GLIS3: variants seen among roughly 807,000 people sequenced by gnomAD.
The protein encoded by GLIS3 is GLIS family zinc finger 3.
Under a neutral mutation model 78.6 loss-of-function variants are expected in GLIS3, and 53 were observed. The observed-to-expected ratio is 0.67, with a 90% CI of 0.54 to 0.85. The LOEUF is 0.85. GLIS3 is among the 40% of genes least tolerant of loss of function. The probability of loss-of-function intolerance (pLI) is 0.00; values close to 1 mark genes in which losing one functional copy is unlikely to be tolerated. For synonymous variants in GLIS3, 684 were observed against 509.9 expected, an observed-to-expected ratio of 1.34 and a Z score of -4.60; for missense variants, 1,703 against 1,231.1, an observed-to-expected ratio of 1.38 and a Z score of -5.74.
chr9:4,277,152 A>G (rs1261169169), intron 2 of GLIS3, among the ~76,000 whole-genome samples: 1 of 152,156 alleles, frequency 6.6e-6, no homozygotes, highest in Non-Finnish European at 1.5e-5. Context: ...TGCATTCAAC[A>G]CGGTACACAC....
At chr9:4,298,819 G>T (rs908709078) in intron 1 of GLIS3, among the ~76,000 whole-genome samples, 14 of 152,144 alleles carry the variant, frequency 9.2e-5, no homozygotes, top group Non-Finnish European at 2.1e-4. Context: ...AGGAGTGTAG[G>T]TACCCTCAGC....
chr9:3,946,769 G>A (rs1224701924), intron 4 of GLIS3, among the ~76,000 whole-genome samples: 1 of 152,156 alleles, frequency 6.6e-6, no homozygotes, highest in African/African-American at 2.4e-5. Context: ...ATAATTCAAG[G>A]CACATAAATG....
At chr9:3,904,959 C>A (rs1823557843) in intron 6 of GLIS3, among the ~76,000 whole-genome samples, 1 of 151,500 alleles carries the variant, frequency 6.6e-6, no homozygotes. Context: ...AACACAGTTT[C>A]TCTTCCTCTT....
chr9:4,126,430 C>A (rs561725655), intron 2 of GLIS3, among the ~76,000 whole-genome samples: 1 of 152,334 alleles, frequency 6.6e-6, no homozygotes, highest in African/African-American at 2.4e-5. Context: ...TCTCTCTACT[C>A]TTGATTTTTT....
chr9:4,158,412 C>A (rs767578480), intron 2 of GLIS3, among the ~76,000 whole-genome samples: 1 of 152,090 alleles, frequency 6.6e-6, no homozygotes, highest in Non-Finnish European at 1.5e-5. Flanking sequence ...CTGAATACCA[C>A]GATGAAGTGG....
At chr9:4,300,613 A>C (rs1056566626), upstream of GLIS3, among the ~76,000 whole-genome samples, 14 of 152,052 alleles carry the variant, frequency 9.2e-5, no homozygotes, top group Non-Finnish European at 1.6e-4. Context: ...AATTCTGAAC[A>C]CAGGCTGTTA....
intron 2 of GLIS3, among the ~76,000 whole-genome samples, chr9:4,165,336 G>C (rs1835795297): frequency 6.6e-6 from 1 of 152,200 alleles, no homozygotes; most frequent in African/African-American, 2.4e-5. Context: ...AGTTACTCGG[G>C]AGGCTGAGGC....
At chr9:4,341,353 A>T (rs1187464375) in intron 2 of GLIS3, among the ~76,000 whole-genome samples, 1 of 152,234 alleles carries the variant, frequency 6.6e-6, no homozygotes, top group Non-Finnish European at 1.5e-5. Context: ...ATCAGGCAAC[A>T]TCTGACCCTG....
intron 4 of GLIS3, among the ~76,000 whole-genome samples, chr9:4,099,921 T>C (rs908852458): frequency 6.6e-6 from 1 of 152,258 alleles, no homozygotes; most frequent in East Asian, 1.9e-4. Flanking sequence ...CTTCGTCATC[T>C]GTTTAATAAT....
intron 6 of GLIS3, among the ~76,000 whole-genome samples, chr9:3,914,191 G>C (rs1824342820): frequency 6.6e-6 from 1 of 152,056 alleles, no homozygotes. Flanking sequence ...TGTCACCCAG[G>C]CTGGAGTGCA....
At chr9:4,460,720 C>G in the GLIS3 span, among the ~76,000 whole-genome samples, 2 of 152,160 alleles carry the variant, frequency 1.3e-5, no homozygotes, top group African/African-American at 2.4e-5. Flanking sequence ...AGAAAAGAAG[C>G]AAATAAAGGA....
chr9:4,303,597 C>T (rs1044575356), upstream of GLIS3, among the ~76,000 whole-genome samples: 1 of 152,156 alleles, frequency 6.6e-6, no homozygotes, highest in African/African-American at 2.4e-5. Flanking sequence ...AACATCATAC[C>T]TCTTTTCCTT....
At chr9:4,053,655 A>C (rs969557388) in intron 4 of GLIS3, among the ~76,000 whole-genome samples, 3 of 148,542 alleles carry the variant, frequency 2.0e-5, no homozygotes, top group African/African-American at 7.4e-5. Flanking sequence ...AAAAAGAGCT[A>C]CAAGACAGAG....
chr9:4,274,140 T>A (rs1008780510), intron 2 of GLIS3, among the ~76,000 whole-genome samples: 6 of 152,136 alleles, frequency 3.9e-5, no homozygotes, highest in African/African-American at 1.2e-4. Flanking sequence ...AAGGTCACCA[T>A]AGTGGTAAAG....
At chr9:4,038,399 A>G (rs1165547776) in intron 4 of GLIS3, among the ~76,000 whole-genome samples, 1 of 152,194 alleles carries the variant, frequency 6.6e-6, no homozygotes, top group African/African-American at 2.4e-5. Context: ...AATTGGAAAA[A>G]TTGTCATCAA....
rs1414294290 is a variant in GLIS3 at position 4,322,760 on chromosome 9, T to G, written n.265-12232A>C. On this transcript the variant is annotated intron_variant and non_coding_transcript_variant, in intron 2 of 4. Transcript: ENST00000471664. ...TTTGCCCACTTTTTGATGGGGTTGT[T>G]TGATTTTTTCTTGTAAATTTGTTTA... Among the ~76,000 whole-genome samples, 3 of 152,128 alleles carry G rather than the reference T, an allele frequency of 2.0e-5. No homozygotes were observed. The East Asian group carries it at 5.8e-4, about 29-fold the overall frequency.
At chr9:3,964,352 G>A (rs760612376) in intron 4 of GLIS3, among the ~76,000 whole-genome samples, 11 of 152,204 alleles carry the variant, frequency 7.2e-5, no homozygotes, top group Middle Eastern at 6.8e-3. Context: ...ATTACTGGGC[G>A]TACAAAACAC....
chr9:4,394,005 G>C, the GLIS3 span, among the ~76,000 whole-genome samples: 3 of 151,902 alleles, frequency 2.0e-5, no homozygotes, highest in African/African-American at 2.4e-5. Flanking sequence ...TTTTCTGAAT[G>C]AGCCAGTAGA....
intron 7 of GLIS3, among the ~76,000 whole-genome samples, chr9:3,893,394 C>G (rs1822592428): frequency 6.6e-6 from 1 of 152,202 alleles, no homozygotes; most frequent in Non-Finnish European, 1.5e-5. Context: ...TTAACATTAA[C>G]TGCAAACATG....
Sources: gnomAD v4.1 joint callset for allele counts (sites outside exome capture counted in the v4.1 genomes callset) on GRCh38, gnomAD v4.1.1 for gene constraint, MANE v1.5 for transcripts, NCBI Gene and HGNC (gene_info 2026-07-23, HGNC 2026-07-21) for gene names.